DMXL2: variants seen among roughly 807,000 people sequenced by gnomAD.
DMXL2 encodes the protein dmX-like protein 2.
DMXL2 carries 103 observed loss-of-function variants against 331.1 expected under a neutral mutation model. That is an observed-to-expected ratio of 0.31 (90% CI 0.27 to 0.37). DMXL2 has a LOEUF of 0.37. DMXL2 is among the 10% of genes least tolerant of loss of function. The pLI, the probability that DMXL2 is intolerant of heterozygous loss-of-function variation, is 1.00. For synonymous variants in DMXL2, 1,281 were observed against 1,252.1 expected (o/e 1.02, Z -0.49); for missense variants, 3,171 against 3,642.9 (o/e 0.87, Z 3.33).
rs376247636 is a variant in DMXL2 at position 51,478,291 on chromosome 15, T to C, written c.6813A>G (p.Leu2271=). Residue 2271 remains leucine (L), a synonymous_variant, in exon 26 of 44, where the codon TTA becomes TTG. Transcript: ENST00000560891. The part of the protein sequence containing the change: ...ASLSASIYQA[L]CDSHSYSSQT... Reference sequence around the variant, plus strand: ...TTTACCTGTAGCTATGACTGTCACATAATGCTTGGTAAATTGATGCAGAAA... The same window carrying C: ...TTTACCTGTAGCTATGACTGTCACACAATGCTTGGTAAATTGATGCAGAAA... 3 of 1,612,974 alleles carry C rather than the reference T, an allele frequency of 1.9e-6. No homozygotes were observed. Among genetic ancestry groups the C allele is most frequent in the Non-Finnish European group, 2.5e-6 (3 of 1,179,426 alleles).
At chr15:51,594,815 G>A (rs796646938) in intron 1 of DMXL2, among the ~76,000 whole-genome samples, 47 of 152,206 alleles carry the variant, frequency 3.1e-4, no homozygotes, top group Middle Eastern at 3.4e-3. Flanking sequence ...GACAAAAACC[G>A]TATGATTATC....
At chr15:51,591,710 G>A (rs1448211359) in intron 1 of DMXL2, among the ~76,000 whole-genome samples, 6 of 152,118 alleles carry the variant, frequency 3.9e-5, no homozygotes, top group African/African-American at 9.7e-5. Context: ...GCACATGGCC[G>A]GGTACTCCTC....
At chr15:51,457,110 T>C (rs1168845937) in intron 37 of DMXL2, among the ~76,000 whole-genome samples, 1 of 152,194 alleles carries the variant, frequency 6.6e-6, no homozygotes, top group Non-Finnish European at 1.5e-5. Flanking sequence ...AGGTCAAGGC[T>C]GCAGTGAGCC....
At chr15:51,573,524 G>C (rs1270116859) in intron 2 of DMXL2, among the ~76,000 whole-genome samples, 2 of 152,114 alleles carry the variant, frequency 1.3e-5, no homozygotes, top group South Asian at 4.1e-4. Context: ...CCATAAAAAA[G>C]GATGAGTTCA....
At chr15:51,455,955 C>T in intron 39 of DMXL2, 111 bp downstream of exon 39, 1 of 1,284,436 alleles carries the variant, frequency 7.8e-7, no homozygotes, top group Non-Finnish European at 1.1e-6. Flanking sequence ...ACTGTCTACT[C>T]AGTTTAAATC....
At chr15:51,461,392 C>G (rs889621438) in intron 33 of DMXL2, among the ~76,000 whole-genome samples, 2 of 152,208 alleles carry the variant, frequency 1.3e-5, no homozygotes, top group African/African-American at 4.8e-5. Flanking sequence ...GCACTCTACA[C>G]TCTGACAAGT....
In DMXL2 at chr15:51,536,334, GA is replaced by G. The variant is rs1269852987; in HGVS notation, c.2145del (p.His716MetfsTer15). On this transcript the variant is annotated frameshift_variant, in exon 12 of 44. Coordinates refer to ENST00000560891, the MANE Select transcript of DMXL2 (RefSeq NM_001378457.1). LOFTEE classifies it high-confidence loss of function. The part of the protein sequence containing the change: ...QPLRNAATRT[F>X]HDPNAIYSEL... ...TCACTGTAGATTGCATTTGGGTCAT[GA>G]AATGTACGAGTTGCTGCATTTCTAA... 1.2e-6 allele frequency: 2 copies of G among 1,614,022 alleles called. No individual in the cohort carries two copies. The highest frequency in any genetic ancestry group is 2.2e-5 in the South Asian group (2 of 91,062).
intron 6 of DMXL2, among the ~76,000 whole-genome samples, chr15:51,553,696 A>G (rs938738254): frequency 6.6e-6 from 1 of 152,004 alleles, no homozygotes; most frequent in African/African-American, 2.4e-5. Flanking sequence ...ATGAACGGTT[A>G]ATTTATTTTC....
At chr15:51,572,263 T>G (rs1333226712) in intron 2 of DMXL2, among the ~76,000 whole-genome samples, 1 of 121,802 alleles carries the variant, frequency 8.2e-6, no homozygotes, top group Non-Finnish European at 1.9e-5. Flanking sequence ...AATAGACCAA[T>G]AAGAGGTTCT....
At chr15:51,528,438 G>C (rs370740272) in intron 13 of DMXL2, among the ~76,000 whole-genome samples, 29 of 152,148 alleles carry the variant, frequency 1.9e-4, no homozygotes, top group African/African-American at 6.7e-4. Context: ...ACTTATATCA[G>C]ACAGATATAC....
At chr15:51,487,664 G>T (rs2042495356) in intron 22 of DMXL2, among the ~76,000 whole-genome samples, 1 of 152,092 alleles carries the variant, frequency 6.6e-6, no homozygotes, top group Non-Finnish European at 1.5e-5. Flanking sequence ...TGCTATGTTG[G>T]CCAGGCTGGT....
intron 1 of DMXL2, among the ~76,000 whole-genome samples, chr15:51,601,206 G>A (rs1466043373): frequency 1.3e-5 from 2 of 151,464 alleles, no homozygotes; most frequent in Non-Finnish European, 2.9e-5. Context: ...CAGGAGAATG[G>A]CGTGAACCTG....
chr15:51,455,120 A>C, intron 40 of DMXL2, 31 bp downstream of exon 40: 2 of 1,545,316 alleles, frequency 1.3e-6, no homozygotes, highest in Non-Finnish European at 1.8e-6. Flanking sequence ...TGTTGTGTAT[A>C]TGCGCCCTGG....
intron 29 of DMXL2, among the ~76,000 whole-genome samples, chr15:51,470,125 C>A (rs1011341637): frequency 1.2e-4 from 18 of 152,156 alleles, no homozygotes; most frequent in Admixed American, 9.8e-4. Context: ...ACTTTGAGAA[C>A]CACTGACGTA....
At position 51,481,616 on chromosome 15, in the gene DMXL2, G is replaced by C. The variant is rs749533038; in HGVS notation, c.5490C>G (p.Ile1830Met). 6.5e-7 allele frequency: 1 copy of C among 1,545,756 alleles called. No individual in the cohort carries two copies. The highest frequency in any genetic ancestry group is 2.3e-5 in the East Asian group (1 of 44,314). Residue 1830 changes from isoleucine to methionine, a missense_variant, in exon 24 of 44, where the codon ATC becomes ATG. By Grantham distance (10) the Ile-to-Met change is conservative. Coordinates refer to ENST00000560891, the MANE Select transcript of DMXL2 (RefSeq NM_001378457.1). ...PKEDDEHQVI[I>M]KSCNPVAFSF... ...TAAATGCCACCGGGTTACAAGACTTGATGATAACTATAGAAATCAAACAGA... is the reference window on the plus strand; with the variant it reads ...TAAATGCCACCGGGTTACAAGACTTCATGATAACTATAGAAATCAAACAGA...
intron 1 of DMXL2, among the ~76,000 whole-genome samples, chr15:51,577,850 C>T (rs2051149997): frequency 6.6e-6 from 1 of 152,118 alleles, no homozygotes; most frequent in African/African-American, 2.4e-5. Flanking sequence ...CTAAGCATTT[C>T]CTCATGGTAA....
At chr15:51,587,132 A>C (rs2051898292) in intron 1 of DMXL2, among the ~76,000 whole-genome samples, 1 of 152,262 alleles carries the variant, frequency 6.6e-6, no homozygotes, top group Non-Finnish European at 1.5e-5. Flanking sequence ...GAAGTAAAAT[A>C]CTACTTTTTA....
At chr15:51,472,578 T>C (rs1193375975) in intron 28 of DMXL2, among the ~76,000 whole-genome samples, 3 of 152,188 alleles carry the variant, frequency 2.0e-5, no homozygotes, top group African/African-American at 7.2e-5. Flanking sequence ...TCTGTCTCTA[T>C]GGATTTACCT....
chr15:51,482,870 T>C (rs7162563), intron 23 of DMXL2, among the ~76,000 whole-genome samples: 69,205 of 151,992 alleles, frequency 0.46, 16,166 homozygotes, highest in Non-Finnish European at 0.5. Flanking sequence ...AGGCAATGAA[T>C]AAACAGCTAA....
Sources: gnomAD v4.1 joint callset for allele counts (sites outside exome capture counted in the v4.1 genomes callset) on GRCh38, gnomAD v4.1.1 for gene constraint, MANE v1.5 for transcripts, NCBI Gene and HGNC (gene_info 2026-07-23, HGNC 2026-07-21) for gene names.